The following CACNA2D1 variants were observed in gnomAD, a reference collection of about 807,000 sequenced individuals.
CACNA2D1 encodes calcium voltage-gated channel auxiliary subunit alpha2delta 1.
In CACNA2D1, 53 loss-of-function variants were observed where a neutral mutation model predicts 171.5. The observed-to-expected ratio is 0.31, with a 90% CI of 0.25 to 0.39. The LOEUF is 0.39. CACNA2D1 is among the 10% of genes least tolerant of loss of function. The pLI, the probability that CACNA2D1 is intolerant of heterozygous loss-of-function variation, is 1.00. For synonymous variants in CACNA2D1, 442 were observed against 443.1 expected (o/e 1.00, Z 0.03); for missense variants, 903 against 1,299.8 (o/e 0.69, Z 4.69).
At chr7:82,062,673 T>A (rs1225467231) in intron 9 of CACNA2D1, among the ~76,000 whole-genome samples, 1 of 150,790 alleles carries the variant, frequency 6.6e-6, no homozygotes, top group Non-Finnish European at 1.5e-5. Flanking sequence ...TACGTATACA[T>A]GTGCCATGTT....
At chr7:82,291,753 C>T (rs954174052) in intron 3 of CACNA2D1, among the ~76,000 whole-genome samples, 2 of 150,320 alleles carry the variant, frequency 1.3e-5, no homozygotes, top group Non-Finnish European at 3.0e-5. Context: ...GATCCTTCTG[C>T]CTCAACCTCC....
chr7:82,088,059 G>C (rs1810690154), intron 6 of CACNA2D1, among the ~76,000 whole-genome samples: 1 of 151,978 alleles, frequency 6.6e-6, no homozygotes, highest in Non-Finnish European at 1.5e-5. Context: ...CTAAATATGT[G>C]GGTAGAGTTT....
chr7:82,442,485 C>T (rs962068200), intron 1 of CACNA2D1, among the ~76,000 whole-genome samples: 7 of 152,076 alleles, frequency 4.6e-5, no homozygotes, highest in Non-Finnish European at 5.9e-5. Context: ...TTATATGTGC[C>T]ATTGAGTTTG....
At chr7:82,214,989 C>A (rs564749047) in intron 3 of CACNA2D1, among the ~76,000 whole-genome samples, 1 of 152,138 alleles carries the variant, frequency 6.6e-6, no homozygotes, top group African/African-American at 2.4e-5. Context: ...AAGCATTTAG[C>A]CATATGTTGA....
rs375189396 is a variant in CACNA2D1, at chr7:82,084,837, C to T, written c.590G>A (p.Arg197His). The T allele has an allele frequency of 8.8e-5, 142 of 1,613,882 alleles. No homozygotes were observed. The highest frequency in any genetic ancestry group is 1.1e-4 in the Non-Finnish European group (128 of 1,179,846). The change falls in exon 7 of 39, where the codon CGC (arginine) becomes CAC (histidine). Residue 197 changes from arginine to histidine, a missense_variant. By Grantham distance (29) the Arg-to-His change is conservative. Coordinates refer to ENST00000356860, the MANE Select transcript of CACNA2D1 (RefSeq NM_000722.4). ...CCACAATAATGAAGGGTCTTCCTCG[C>T]GATTCTTTTTGAAAACTTCATCTAA... The part of the protein sequence containing the change: ...SALDEVFKKN[R>H]EEDPSLLWQV...
At chr7:82,235,967 C>T (rs17156054) in intron 3 of CACNA2D1, among the ~76,000 whole-genome samples, 2,278 of 152,080 alleles carry the variant, frequency 0.015, 39 homozygotes, top group Middle Eastern at 0.061. Flanking sequence ...GCTCTATATG[C>T]GGATGACTAT....
rs183940863 is a variant in CACNA2D1 at position 82,232,984 on chromosome 7, A to G, written c.295-62375T>C. 5.9e-5 allele frequency among the ~76,000 whole-genome samples: 9 copies of G among 151,956 alleles called. No individual in the cohort carries two copies. The East Asian group carries it at 1.7e-3, about 29-fold the overall frequency. ...AAATACATAAAAAATTAATAAACGA[A>G]TTACACAGATACTCCAGGATTGCCT... On this transcript the variant is annotated intron_variant, in intron 3 of 38. Transcript: ENST00000356860.
intron 30 of CACNA2D1, 83 bp from the exon 31 acceptor site, chr7:81,967,290 C>A: frequency 8.8e-7 from 1 of 1,131,586 alleles, no homozygotes; most frequent in Non-Finnish European, 1.3e-6. Context: ...ATTAGAAATT[C>A]TGAAATAATT....
chr7:82,246,557 T>C (rs1804946156), intron 3 of CACNA2D1, among the ~76,000 whole-genome samples: 1 of 152,116 alleles, frequency 6.6e-6, no homozygotes, highest in African/African-American at 2.4e-5. Context: ...TGTGAGTGTA[T>C]GAGTGTAGGT....
chr7:82,132,660 A>G (rs1039215202), intron 5 of CACNA2D1, among the ~76,000 whole-genome samples: 17 of 152,320 alleles, frequency 1.1e-4, no homozygotes, highest in African/African-American at 3.8e-4. Flanking sequence ...AATGGGGAGA[A>G]GAACCTTGAG....
chr7:82,199,584 T>C (rs1159060622), intron 3 of CACNA2D1, among the ~76,000 whole-genome samples: 1 of 152,092 alleles, frequency 6.6e-6, no homozygotes, highest in East Asian at 1.9e-4. Flanking sequence ...CTATTTACAT[T>C]AGCAGAGAGA....
intron 3 of CACNA2D1, among the ~76,000 whole-genome samples, chr7:82,333,200 A>G (rs77841304): frequency 0.021 from 3,274 of 152,298 alleles, 145 homozygotes; most frequent in African/African-American, 0.074. Flanking sequence ...GAATCAATAT[A>G]ATACAAATCA....
At chr7:82,107,332 CAA>C (rs1041936840) in intron 6 of CACNA2D1, among the ~76,000 whole-genome samples, 2 of 152,184 alleles carry the variant, frequency 1.3e-5, no homozygotes, top group African/African-American at 4.8e-5. Context: ...AAATCCAAAA[CAA>C]AGAGTCAGCA....
intron 12 of CACNA2D1, among the ~76,000 whole-genome samples, chr7:82,018,637 C>T (rs1007781015): frequency 6.6e-6 from 1 of 152,044 alleles, no homozygotes; most frequent in Non-Finnish European, 1.5e-5. Context: ...TGGATTCACA[C>T]ATAGTTATAT....
At chr7:82,084,998 T>C (rs958833198) in intron 6 of CACNA2D1, 98 bp from the exon 7 acceptor site, 17 of 1,067,230 alleles carry the variant, frequency 1.6e-5, no homozygotes, top group Non-Finnish European at 2.4e-5. Flanking sequence ...ATGTTCATTG[T>C]TCTACCTATA....
chr7:82,431,890 T>C (rs149335275), intron 1 of CACNA2D1, among the ~76,000 whole-genome samples: 1,845 of 151,516 alleles, frequency 0.012, 13 homozygotes, highest in Non-Finnish European at 0.018. Context: ...ATACAAAAAT[T>C]AGCCGGGCAT....
intron 3 of CACNA2D1, among the ~76,000 whole-genome samples, chr7:82,333,012 GA>G (rs1336311074): frequency 1.3e-5 from 2 of 151,866 alleles, no homozygotes; most frequent in Non-Finnish European, 2.9e-5. Flanking sequence ...AACAAACAAA[GA>G]ATAAGAGGAG....
chr7:82,089,337 T>G (rs1312276293), intron 6 of CACNA2D1, among the ~76,000 whole-genome samples: 1 of 152,144 alleles, frequency 6.6e-6, no homozygotes, highest in Non-Finnish European at 1.5e-5. Context: ...AGATTAGGAG[T>G]AAAATTAGTT....
At chr7:82,006,622 A>G (rs1799146647) in intron 16 of CACNA2D1, among the ~76,000 whole-genome samples, 1 of 152,170 alleles carries the variant, frequency 6.6e-6, no homozygotes, top group Admixed American at 6.6e-5. Flanking sequence ...AAGTTGTATC[A>G]ACAACTATGC....
Sources: gnomAD v4.1 joint callset for allele counts (sites outside exome capture counted in the v4.1 genomes callset) on GRCh38, gnomAD v4.1.1 for gene constraint, MANE v1.5 for transcripts, NCBI Gene and HGNC (gene_info 2026-07-23, HGNC 2026-07-21) for gene names.